Variants in MACROD2 observed in about 807,000 individuals in gnomAD.
MACROD2 encodes the protein mono-ADP ribosylhydrolase 2.
MACROD2 carries 36 observed loss-of-function variants against 70.4 expected under a neutral mutation model. The ratio of observed to expected loss-of-function variants is 0.51; its 90% CI spans 0.39 to 0.68. The LOEUF (loss-of-function observed/expected upper bound fraction) is 0.68, where lower values mean the gene tolerates loss of function less well. Ranked by LOEUF, MACROD2 falls within the 30% of genes least tolerant of loss-of-function variation. MACROD2 has a pLI of 0.00. For synonymous variants in MACROD2, 172 were observed against 178.8 expected, an observed-to-expected ratio of 0.96 and a Z score of 0.30; for missense variants, 496 against 538.4, an observed-to-expected ratio of 0.92 and a Z score of 0.78.
chr20:15,001,126 T>C (rs73093934), intron 5 of MACROD2, among the ~76,000 whole-genome samples: 3 of 152,152 alleles, frequency 2.0e-5, no homozygotes, highest in Admixed American at 6.5e-5. Flanking sequence ...AAGGTTAGAA[T>C]GATAGCAGGT....
chr20:14,636,973 C>G (rs1295766853), intron 4 of MACROD2, among the ~76,000 whole-genome samples: 3 of 152,068 alleles, frequency 2.0e-5, no homozygotes, highest in African/African-American at 7.2e-5. Context: ...GAAGGTCTCC[C>G]AAAAGCTGAA....
chr20:14,167,666 G>T (rs1569187789), intron 3 of MACROD2, among the ~76,000 whole-genome samples: 1 of 152,066 alleles, frequency 6.6e-6, no homozygotes. Context: ...TGGGATTACA[G>T]GCGTGAGCCA....
intron 7 of MACROD2, among the ~76,000 whole-genome samples, chr20:15,486,323 T>C (rs544252578): frequency 6.6e-6 from 1 of 152,312 alleles, no homozygotes; most frequent in Non-Finnish European, 1.5e-5. Flanking sequence ...AGGCCTACTG[T>C]GCACAACAGC....
intron 2 of MACROD2, among the ~76,000 whole-genome samples, chr20:14,030,734 A>G (rs2053236533): frequency 6.6e-6 from 1 of 152,120 alleles, no homozygotes; most frequent in African/African-American, 2.4e-5. Flanking sequence ...TTTTAAGGAA[A>G]TGGCTCACCT....
At chr20:15,132,612 C>A (rs985176437) in intron 5 of MACROD2, among the ~76,000 whole-genome samples, 8 of 151,678 alleles carry the variant, frequency 5.3e-5, no homozygotes, top group Admixed American at 6.6e-5. Flanking sequence ...AGAAGGACAA[C>A]AAAATCCAAT....
intron 3 of MACROD2, among the ~76,000 whole-genome samples, chr20:14,483,413 TA>T (rs1454557711): frequency 6.6e-5 from 10 of 152,148 alleles, no homozygotes; most frequent in Admixed American, 6.5e-4. Flanking sequence ...TTTTTATTTT[TA>T]TTTTTTTTTG....
At chr20:15,561,324 A>C (rs528815263) in intron 8 of MACROD2, among the ~76,000 whole-genome samples, 1 of 152,236 alleles carries the variant, frequency 6.6e-6, no homozygotes, top group East Asian at 1.9e-4. Context: ...ATAAGAGAAA[A>C]TCTTTTCCTC....
intron 7 of MACROD2, among the ~76,000 whole-genome samples, chr20:15,431,676 T>C (rs1303158617): frequency 2.0e-5 from 3 of 152,058 alleles, no homozygotes; most frequent in Non-Finnish European, 4.4e-5. Flanking sequence ...TGATGTCTTT[T>C]GTTAAACAAA....
Position 15,098,851 on chromosome 20 carries a change from G to T in MACROD2, c.419-131089G>T, listed in dbSNP as rs569042204. Among the ~76,000 whole-genome samples the T allele has an allele frequency of 2.6e-5, 4 of 152,322 alleles. No individual in the cohort carries two copies. The South Asian group carries it at 8.3e-4, about 32-fold the overall frequency. On this transcript the variant is annotated intron_variant, in intron 5 of 17. Coordinates refer to ENST00000684519, the MANE Select transcript of MACROD2 (RefSeq NM_001351661.2). ...GTGTTCTAGAGAGGGAACAGCATGA[G>T]CCAAAGCTCAGAAGTGAAAAGCTGC...
intron 7 of MACROD2, among the ~76,000 whole-genome samples, chr20:15,470,865 C>A (rs1337322273): frequency 6.6e-6 from 1 of 152,192 alleles, no homozygotes; most frequent in African/African-American, 2.4e-5. Flanking sequence ...CTCTCTGCCA[C>A]CTTTGATCTC....
intron 3 of MACROD2, among the ~76,000 whole-genome samples, chr20:14,438,014 A>G (rs1276538105): frequency 1.3e-5 from 2 of 152,168 alleles, no homozygotes; most frequent in African/African-American, 2.4e-5. Context: ...ATTAACTATA[A>G]TCCTCATGTT....
intron 3 of MACROD2, among the ~76,000 whole-genome samples, chr20:14,242,018 A>G (rs2081933862): frequency 6.6e-6 from 1 of 152,170 alleles, no homozygotes; most frequent in African/African-American, 2.4e-5. Context: ...TATTATATTA[A>G]AATGAGAAAA....
chr20:15,986,534 A>G (rs866306693), intron 13 of MACROD2, among the ~76,000 whole-genome samples, 193 bp from the exon 14 acceptor site: 7 of 152,196 alleles, frequency 4.6e-5, no homozygotes, highest in African/African-American at 1.7e-4. Context: ...TTTTTTCCTA[A>G]ATTATCAGGA....
intron 9 of MACROD2, among the ~76,000 whole-genome samples, chr20:15,877,934 A>G (rs1410276279): frequency 5.9e-5 from 9 of 152,130 alleles, no homozygotes; most frequent in Non-Finnish European, 1.2e-4. Flanking sequence ...AGGGAATTTT[A>G]TGATCTATTT....
intron 5 of MACROD2, among the ~76,000 whole-genome samples, chr20:15,223,211 G>T (rs891018967): frequency 6.6e-5 from 10 of 152,202 alleles, no homozygotes; most frequent in African/African-American, 2.4e-4. Context: ...ATTTTCCATA[G>T]CTCTTCAAGA....
At chr20:15,676,760 A>G (rs1307410812) in intron 8 of MACROD2, among the ~76,000 whole-genome samples, 1 of 152,222 alleles carries the variant, frequency 6.6e-6, no homozygotes, top group Non-Finnish European at 1.5e-5. Flanking sequence ...TTTACAGCCA[A>G]TGTATCAGAG....
At chr20:14,549,864 A>G (rs977486758) in intron 4 of MACROD2, among the ~76,000 whole-genome samples, 6 of 152,112 alleles carry the variant, frequency 3.9e-5, no homozygotes, top group African/African-American at 1.2e-4. Context: ...TATTACTGAC[A>G]CATTGATAAC....
intron 12 of MACROD2, among the ~76,000 whole-genome samples, chr20:15,940,710 G>C (rs934792530): frequency 6.6e-6 from 1 of 152,102 alleles, no homozygotes; most frequent in African/African-American, 2.4e-5. Context: ...TACATTAACT[G>C]TTTTTTAAGA....
rs142736012 is a variant in MACROD2 at position 15,935,358 on chromosome 20, C to T, written c.838+2020C>T. 1.8e-3 allele frequency among the ~76,000 whole-genome samples: 274 copies of T among 152,314 alleles called. 2 individuals are homozygous for T. The highest frequency in any genetic ancestry group is 6.2e-3 in the African/African-American group (259 of 41,568). On this transcript the variant is annotated intron_variant, in intron 11 of 17. Transcript: ENST00000684519. The stretch of plus-strand genomic sequence containing the variant: ...CCGGCACAGAGGCCAATGGCAGAGT[C>T]CACCTATAATCCTGGCCAGTGTCAA...
Sources: gnomAD v4.1 joint callset for allele counts (sites outside exome capture counted in the v4.1 genomes callset) on GRCh38, gnomAD v4.1.1 for gene constraint, MANE v1.5 for transcripts, NCBI Gene and HGNC (gene_info 2026-07-23, HGNC 2026-07-21) for gene names.